Variants in APCDD1L observed in about 807,000 individuals in gnomAD.
The protein encoded by APCDD1L is APC down-regulated 1 like, also known as protein APCDD1-like.
In APCDD1L, 21 loss-of-function variants were observed where a neutral mutation model predicts 24.2. The observed-to-expected ratio is 0.87, with a 90% CI of 0.61 to 1.25. APCDD1L has a LOEUF of 1.25. Ranked by LOEUF, APCDD1L falls within the 50% of genes most tolerant of loss-of-function variation. The pLI is 0.00. For synonymous variants in APCDD1L, 321 were observed against 323.6 expected (o/e 0.99, Z 0.09); for missense variants, 704 against 711.7 (o/e 0.99, Z 0.12).
chr20:58,475,160 T>C (rs1195393210), intron 1 of APCDD1L, among the ~76,000 whole-genome samples: 1 of 152,202 alleles, frequency 6.6e-6, no homozygotes, highest in Non-Finnish European at 1.5e-5. Context: ...GGAGAAAAGA[T>C]GTGAGTTTTG....
rs565560703 is a variant in APCDD1L at position 58,459,174 on chromosome 20, G to A, written c.*1616C>T. 4 of 152,216 alleles carry A rather than the reference G, an allele frequency of 2.6e-5. No individual in the cohort carries two copies. The highest frequency in any genetic ancestry group is 7.2e-5 in the African/African-American group (3 of 41,518). 9.4% of individuals were successfully genotyped at this position (152,216 alleles called of 1,614,324 possible). The stretch of plus-strand genomic sequence containing the variant: ...TGGTGGCATGGTTACTTCAAGCTTC[G>A]GATACAAGACCTGCTCAGCCGTGGA... On this transcript the variant is annotated 3_prime_UTR_variant, in exon 4 of 4. Transcript: ENST00000371149.
chr20:58,509,657 G>A (rs150996312), intron 1 of APCDD1L, among the ~76,000 whole-genome samples: 39 of 152,260 alleles, frequency 2.6e-4, no homozygotes, highest in African/African-American at 7.9e-4. Context: ...CTGAATGGGG[G>A]CAGGGAGAAG....
chr20:58,495,689 G>A (rs1600870061), intron 1 of APCDD1L, among the ~76,000 whole-genome samples: 2 of 152,196 alleles, frequency 1.3e-5, no homozygotes, highest in Admixed American at 1.3e-4. Flanking sequence ...ATGTTTGGGG[G>A]AAAGGGGTGA....
At chr20:58,462,870 G>A (rs1377567762) in intron 3 of APCDD1L, among the ~76,000 whole-genome samples, 1 of 149,220 alleles carries the variant, frequency 6.7e-6, no homozygotes, top group African/African-American at 2.5e-5. Context: ...TTGGCCAGGT[G>A]CAGTGCCTCA....
At chr20:58,463,873 T>G (rs1989658950) in intron 3 of APCDD1L, among the ~76,000 whole-genome samples, 1 of 125,916 alleles carries the variant, frequency 7.9e-6, no homozygotes, top group Admixed American at 8.8e-5. Flanking sequence ...AAATACTGGA[T>G]GATTGAGAAC....
chr20:58,490,280 G>A (rs551556873), intron 1 of APCDD1L, among the ~76,000 whole-genome samples: 1 of 152,258 alleles, frequency 6.6e-6, no homozygotes, highest in East Asian at 1.9e-4. Context: ...TAAGCTATGA[G>A]ATTTACAACA....
chr20:58,469,807 G>T (rs1164834799), intron 2 of APCDD1L, among the ~76,000 whole-genome samples: 3 of 152,218 alleles, frequency 2.0e-5, no homozygotes, highest in Non-Finnish European at 4.4e-5. Context: ...GACACGGAGA[G>T]GCCAGTCCTT....
Position 58,467,791 on chromosome 20 carries a change from G to C in APCDD1L, c.189-133C>G, listed in dbSNP as rs1313896979. On this transcript the variant is annotated intron_variant, in intron 2 of 3. Transcript: ENST00000371149. This position sits in a 1 kb window ranked among gnomAD's most constrained non-coding sequence, Gnocchi z 5.9. ...CTCAGCTCAGGCCTGGGCCCCTCCA[G>C]CCTCAGTTCCCCTCACTGCTCGCAG... is the stretch of plus-strand genomic sequence containing the variant. 2.2e-6 allele frequency: 2 copies of C among 927,176 alleles called. No individual in the cohort carries two copies. The highest frequency in any genetic ancestry group is 2.9e-6 in the Non-Finnish European group (2 of 686,434). The allele number at this position is 927,176 out of a possible 1,614,324, so 57.4% of individuals were successfully genotyped here.
chr20:58,482,293 A>G (rs1254122952), intron 1 of APCDD1L, among the ~76,000 whole-genome samples: 6 of 152,166 alleles, frequency 3.9e-5, no homozygotes, highest in Non-Finnish European at 7.4e-5. Context: ...GTAATATTTA[A>G]TTATTGCACT....
chr20:58,464,027 C>T (rs188428511), intron 3 of APCDD1L, among the ~76,000 whole-genome samples: 43 of 151,708 alleles, frequency 2.8e-4, no homozygotes, highest in Admixed American at 2.7e-3. Flanking sequence ...GAGAGCTTGA[C>T]GGTTCTCTGA....
At chr20:58,469,529 T>C (rs2865464) in intron 2 of APCDD1L, among the ~76,000 whole-genome samples, 63,317 of 152,002 alleles carry the variant, frequency 0.42, 13,526 homozygotes, top group African/African-American at 0.48. Context: ...AAAGAACTGC[T>C]CCAGAATGTT....
At chr20:58,501,291 A>C (rs914377999) in intron 1 of APCDD1L, among the ~76,000 whole-genome samples, 1 of 152,320 alleles carries the variant, frequency 6.6e-6, no homozygotes. Flanking sequence ...ACCTCAGAGC[A>C]TGACTGTATT....
rs1990283638 is a variant in APCDD1L, at chr20:58,494,510, T to A, written c.49+20149A>T. Among the ~76,000 whole-genome samples the A allele has an allele frequency of 1.1e-4, 1 of 8,970 alleles. No individual in the cohort carries two copies. The highest frequency in any genetic ancestry group is 2.0e-4 in the Non-Finnish European group (1 of 4,934). The allele number at this position is 8,970 out of a possible 152,430, so 5.9% of individuals were successfully genotyped here. A position where few individuals can be genotyped will look rare whatever the true frequency, so the allele number is the denominator to read the frequency against. On this transcript the variant is annotated intron_variant, in intron 1 of 3. Coordinates refer to ENST00000371149, the MANE Select transcript of APCDD1L (RefSeq NM_153360.3). This position sits in a 1 kb window ranked among gnomAD's most constrained non-coding sequence, Gnocchi z 4.8. ...ACTGCCACACTCAGCTAATTTTTAA[T>A]TTTTTTTTTGGTAGAGATGGGGTCT... is the stretch of plus-strand genomic sequence containing the variant.
At chr20:58,482,835 C>T (rs991586550) in intron 1 of APCDD1L, among the ~76,000 whole-genome samples, 1 of 152,168 alleles carries the variant, frequency 6.6e-6, no homozygotes, top group Non-Finnish European at 1.5e-5. Context: ...AATTCAAAAC[C>T]GGGTCCGGTA....
chr20:58,506,181 C>G (rs946346322), intron 1 of APCDD1L, among the ~76,000 whole-genome samples: 3 of 152,192 alleles, frequency 2.0e-5, no homozygotes, highest in Non-Finnish European at 4.4e-5. Context: ...GGATACATCC[C>G]CAGGCAAAAG....
intron 1 of APCDD1L, among the ~76,000 whole-genome samples, chr20:58,512,854 C>G (rs375214897): frequency 4.7e-4 from 72 of 152,258 alleles, no homozygotes; most frequent in African/African-American, 1.6e-3. Flanking sequence ...GCACCCTCCC[C>G]CTTTCTGGTG....
rs1270048438 is a variant in APCDD1L, at chr20:58,508,883, C to T, written c.49+5776G>A. ...AGGGGTGCCGTGCAGAAAGGCAGAG[C>T]GGGGTACTGGGAAAGACTGTGTGCA... On this transcript the variant is annotated intron_variant, in intron 1 of 3. Transcript: ENST00000371149. This position sits in a 1 kb window ranked among gnomAD's most constrained non-coding sequence, Gnocchi z 4.0. 2.6e-5 allele frequency among the ~76,000 whole-genome samples: 4 copies of T among 151,842 alleles called. No homozygotes were observed. Among genetic ancestry groups the T allele is most frequent in the Admixed American group, 6.6e-5 (1 of 15,230 alleles).
At chr20:58,513,382 C>T (rs1249574338) in intron 1 of APCDD1L, among the ~76,000 whole-genome samples, 1 of 152,148 alleles carries the variant, frequency 6.6e-6, no homozygotes, top group Non-Finnish European at 1.5e-5. Flanking sequence ...CTCTCGCTCC[C>T]AGACTGGCAG....
At chr20:58,503,951 T>A (rs1433181609) in intron 1 of APCDD1L, among the ~76,000 whole-genome samples, 4 of 152,172 alleles carry the variant, frequency 2.6e-5, no homozygotes, top group Non-Finnish European at 5.9e-5. Context: ...GCCCTTAAAG[T>A]TCAAAGTCCT....
Sources: allele counts gnomAD v4.1 joint callset (sites outside exome capture counted in the v4.1 genomes callset), GRCh38; gene constraint gnomAD v4.1.1; non-coding constraint Gnocchi (gnomAD v3.1); transcripts MANE v1.5; gene names NCBI Gene and HGNC (gene_info 2026-07-23, HGNC 2026-07-21).